The following PSPC1 variants were observed in gnomAD, a reference collection of about 807,000 sequenced individuals.
PSPC1 encodes the protein paraspeckle component 1.
PSPC1 carries 14 observed loss-of-function variants against 51.6 expected under a neutral mutation model. The observed-to-expected ratio is 0.27, with a 90% CI of 0.18 to 0.42. The LOEUF is 0.42. PSPC1 is among the 10% of genes least tolerant of loss of function. The probability of loss-of-function intolerance (pLI) is 1.00; values close to 1 mark genes in which losing one functional copy is unlikely to be tolerated. For missense variants in PSPC1, 406 were observed against 701.1 expected (o/e 0.58, Z 4.75); for synonymous variants, 193 against 231.9 (o/e 0.83, Z 1.53).
intron 3 of PSPC1, 83 bp downstream of exon 3, chr13:19,759,240 A>G: frequency 9.7e-7 from 1 of 1,027,790 alleles, no homozygotes; most frequent in Non-Finnish European, 1.5e-6. Flanking sequence ...TAAACAGAAC[A>G]CCTCATAATC....
chr13:19,676,125 G>C (rs927714514), intron 7 of PSPC1, among the ~76,000 whole-genome samples: 1 of 152,170 alleles, frequency 6.6e-6, no homozygotes, highest in African/African-American at 2.4e-5. Context: ...CCACAGGCTT[G>C]ATCTATGCCA....
intron 6 of PSPC1, among the ~76,000 whole-genome samples, chr13:19,695,147 G>A (rs1170590445): frequency 6.6e-6 from 1 of 152,168 alleles, no homozygotes; most frequent in Admixed American, 6.5e-5. Context: ...GCTGTGATAG[G>A]TTAGTCTTCT....
intron 1 of PSPC1, among the ~76,000 whole-genome samples, chr13:19,774,826 AAAAAAG>A (rs1415729823): frequency 4.0e-5 from 6 of 150,946 alleles, no homozygotes; most frequent in South Asian, 2.1e-4. Context: ...AAACAAAAAA[AAAAAAG>A]AAAAAGAAAA....
At chr13:19,687,940 C>T (rs182870192) in intron 6 of PSPC1, among the ~76,000 whole-genome samples, 1 of 151,860 alleles carries the variant, frequency 6.6e-6, no homozygotes, top group Admixed American at 6.6e-5. Context: ...TGGGTTCCTA[C>T]CAGCTTTCTA....
At chr13:19,688,273 T>C (rs1878160311) in intron 6 of PSPC1, among the ~76,000 whole-genome samples, 1 of 152,142 alleles carries the variant, frequency 6.6e-6, no homozygotes, top group Non-Finnish European at 1.5e-5. Context: ...AAAGTATACC[T>C]AGCACTACTA....
At chr13:19,680,075 G>T (rs545450018) in intron 6 of PSPC1, among the ~76,000 whole-genome samples, 1 of 152,138 alleles carries the variant, frequency 6.6e-6, no homozygotes, top group East Asian at 1.9e-4. Flanking sequence ...AATACAGTGG[G>T]GTGTTCTCGA....
rs1890092262 is a variant in PSPC1 at position 19,782,605 on chromosome 13, C to A, written c.153G>T (p.Ala51=). The A allele has an allele frequency of 1.3e-6, 2 of 1,580,764 alleles. No homozygotes were observed. The highest frequency in any genetic ancestry group is 8.6e-7 in the Non-Finnish European group (1 of 1,166,768). The change falls in exon 1 of 9, where the codon GCG becomes GCT. Residue 51 remains alanine, a synonymous_variant. Transcript: ENST00000338910. The surrounding 1 kb of genome is among the most constrained non-coding windows in gnomAD (Gnocchi z 4.5). ...LAGEPAPPAP[A]PPEDHPDEEM... ...CCTCGTCCGGGTGGTCCTCTGGAGGCGCGGGCGCGGGCGGTGCCGGCTCCC... is the reference window on the plus strand; with the variant it reads ...CCTCGTCCGGGTGGTCCTCTGGAGGAGCGGGCGCGGGCGGTGCCGGCTCCC...
intron 2 of PSPC1, among the ~76,000 whole-genome samples, chr13:19,771,992 G>C (rs942476505): frequency 6.6e-6 from 1 of 152,100 alleles, no homozygotes; most frequent in African/African-American, 2.4e-5. Flanking sequence ...ATTTTACTTT[G>C]TATATATGTT....
chr13:19,763,739 G>A (rs531475471), intron 2 of PSPC1, among the ~76,000 whole-genome samples: 6 of 152,294 alleles, frequency 3.9e-5, no homozygotes, highest in Admixed American at 2.6e-4. Flanking sequence ...GGTGGCTCAC[G>A]TTGGTAATCT....
At chr13:19,692,543 A>G (rs1565963603) in intron 6 of PSPC1, among the ~76,000 whole-genome samples, 1 of 152,154 alleles carries the variant, frequency 6.6e-6, no homozygotes, top group East Asian at 1.9e-4. Flanking sequence ...GAGATAATAT[A>G]TTTACCAGGC....
At chr13:19,730,448 A>ATATT in intron 5 of PSPC1, 104 bp from the exon 6 acceptor site, 1 of 1,048,008 alleles carries the variant, frequency 9.5e-7, no homozygotes, top group Non-Finnish European at 1.5e-6. Context: ...ATATTATGCC[A>ATATT]AACCTGTAAT....
At chr13:19,697,520 A>G (rs1002508108), downstream of PSPC1, among the ~76,000 whole-genome samples, 8 of 152,192 alleles carry the variant, frequency 5.3e-5, no homozygotes, top group African/African-American at 1.4e-4. Flanking sequence ...TATGACTAAG[A>G]AAAGTTTTTG....
At chr13:19,713,622 T>G (rs1372666502) in intron 6 of PSPC1, among the ~76,000 whole-genome samples, 1 of 151,578 alleles carries the variant, frequency 6.6e-6, no homozygotes, top group African/African-American at 2.4e-5. Flanking sequence ...CTTTGCGGTA[T>G]TTATAAGATT....
intron 4 of PSPC1, among the ~76,000 whole-genome samples, chr13:19,742,528 T>C (rs1885539553): frequency 6.6e-6 from 1 of 151,874 alleles, no homozygotes; most frequent in Non-Finnish European, 1.5e-5. Context: ...CACCTGAGGT[T>C]GGGAGTTCGA....
chr13:19,743,826 G>C (rs1316424197), intron 4 of PSPC1, among the ~76,000 whole-genome samples: 1 of 152,168 alleles, frequency 6.6e-6, no homozygotes, highest in African/African-American at 2.4e-5. Context: ...TACCTGACCA[G>C]TATTTAAGTA....
chr13:19,718,127 A>G (rs1250281498), intron 6 of PSPC1, among the ~76,000 whole-genome samples: 1 of 152,220 alleles, frequency 6.6e-6, no homozygotes, highest in African/African-American at 2.4e-5. Flanking sequence ...AAACTTTCCA[A>G]CCTAATCAAT....
intron 6 of PSPC1, among the ~76,000 whole-genome samples, chr13:19,689,231 A>G (rs1463523310): frequency 6.6e-6 from 1 of 152,222 alleles, no homozygotes; most frequent in Non-Finnish European, 1.5e-5. Context: ...GAGCAGGAAA[A>G]GGCAGGCCTC....
intron 6 of PSPC1, among the ~76,000 whole-genome samples, chr13:19,716,152 T>A (rs1882069345): frequency 6.6e-6 from 1 of 152,216 alleles, no homozygotes. Flanking sequence ...CATTACATAA[T>A]ACACAAATGT....
chr13:19,772,184 AAC>A lies in PSPC1; in HGVS notation c.674+56_674+57del, dbSNP rs1888683402. The A allele has an allele frequency of 3.3e-6, 5 of 1,536,598 alleles. No individual in the cohort carries two copies. In the Admixed American group the frequency reaches 1.0e-4, roughly 31 times the overall value. ...ACTGCAATGAAAGACAGAATTCCAA[AAC>A]AGAGAGAAGCCCATATGTAACTGGA... On this transcript the variant is annotated intron_variant, in intron 2 of 8. Coordinates refer to ENST00000338910, the MANE Select transcript of PSPC1 (RefSeq NM_001354909.2).
Sources: allele counts gnomAD v4.1 joint callset (sites outside exome capture counted in the v4.1 genomes callset), GRCh38; gene constraint gnomAD v4.1.1; non-coding constraint Gnocchi (gnomAD v3.1); transcripts MANE v1.5; gene names NCBI Gene and HGNC (gene_info 2026-07-23, HGNC 2026-07-21).